IQSEC1: variants seen among roughly 807,000 people sequenced by gnomAD.
IQSEC1 encodes the protein IQ motif and Sec7 domain ArfGEF 1.
IQSEC1 carries 31 observed loss-of-function variants against 91.0 expected under a neutral mutation model. The observed-to-expected ratio is 0.34, with a 90% CI of 0.26 to 0.46. The LOEUF is 0.46. Among genes scored for constraint, IQSEC1 ranks in the 20% least tolerant of loss-of-function variants. The probability of loss-of-function intolerance (pLI) is 1.00; values close to 1 mark genes in which losing one functional copy is unlikely to be tolerated. For synonymous variants in IQSEC1, 699 were observed against 662.6 expected, an observed-to-expected ratio of 1.05 and a Z score of -0.84; for missense variants, 1,388 against 1,575.6, an observed-to-expected ratio of 0.88 and a Z score of 2.02.
intron 1 of IQSEC1, among the ~76,000 whole-genome samples, chr3:13,026,566 G>A (rs1003583907): frequency 2.0e-5 from 3 of 152,226 alleles, no homozygotes; most frequent in African/African-American, 7.2e-5. Context: ...CCTTCCTTCT[G>A]TACCAAGGGA....
chr3:13,087,387 A>C (rs565254849), intron 2 of IQSEC1, among the ~76,000 whole-genome samples: 2 of 152,346 alleles, frequency 1.3e-5, no homozygotes, highest in African/African-American at 4.8e-5. Flanking sequence ...CTCTCGGTGC[A>C]GAAAGAGCCC....
In IQSEC1 at chr3:12,940,210, AAGG is replaced by A. The variant is rs1347581845; in HGVS notation, c.318+1358_318+1360del. 1.3e-5 allele frequency among the ~76,000 whole-genome samples: 2 copies of A among 151,990 alleles called. No individual in the cohort carries two copies. Among genetic ancestry groups the A allele is most frequent in the Admixed American group, 1.3e-4 (2 of 15,266 alleles). ...CCTGTGTCGGTCCGGCCTAAGTTGC[AAGG>A]CAGCACCGACAGCCAGGTGAGGAAG... On this transcript the variant is annotated intron_variant, in intron 2 of 13. Transcript: ENST00000613206. This position sits in a 1 kb window ranked among gnomAD's most constrained non-coding sequence, Gnocchi z 4.4.
At chr3:13,036,310 G>A (rs2125023899) in intron 1 of IQSEC1, among the ~76,000 whole-genome samples, 1 of 152,158 alleles carries the variant, frequency 6.6e-6, no homozygotes, top group East Asian at 1.9e-4. Flanking sequence ...TAACCTCTCT[G>A]CCTTCAGTTT....
chr3:13,021,948 C>T (rs746311060), intron 1 of IQSEC1: 1 of 942,816 alleles, frequency 1.1e-6, no homozygotes, highest in East Asian at 3.3e-5. Flanking sequence ...CATCCCAGCT[C>T]CTTCCTGGAC....
At chr3:13,163,658 C>G (rs1457817611) in intron 2 of IQSEC1, among the ~76,000 whole-genome samples, 1 of 152,134 alleles carries the variant, frequency 6.6e-6, no homozygotes, top group Admixed American at 6.5e-5. Context: ...TTACGCCTGC[C>G]GTGGAGACAC....
intron 1 of IQSEC1, among the ~76,000 whole-genome samples, chr3:13,018,352 G>A (rs58175052): frequency 6.7e-4 from 102 of 152,278 alleles, no homozygotes; most frequent in African/African-American, 2.3e-3. Context: ...AAGGCAGAGG[G>A]GGGCAGGGCC....
In IQSEC1 at chr3:12,983,284, T is replaced by G. The variant is rs931483010; in HGVS notation, c.24-41419A>C. Among the ~76,000 whole-genome samples, 1 of 152,102 alleles carries G rather than the reference T, an allele frequency of 6.6e-6. No homozygotes were observed. The highest frequency in any genetic ancestry group is 2.4e-5 in the African/African-American group (1 of 41,418). ...GCATGGTGGCAAATTTAGATCAGATTAAAACGACAGCTCAGGGCACAGCTG... is the reference window on the plus strand; with the variant it reads ...GCATGGTGGCAAATTTAGATCAGATGAAAACGACAGCTCAGGGCACAGCTG... On this transcript the variant is annotated intron_variant, in intron 1 of 13. Transcript: ENST00000613206. This position sits in a 1 kb window ranked among gnomAD's most constrained non-coding sequence, Gnocchi z 4.3.
At chr3:13,235,890 C>T (rs1374096848) in intron 1 of IQSEC1, among the ~76,000 whole-genome samples, 2 of 152,182 alleles carry the variant, frequency 1.3e-5, no homozygotes, top group Admixed American at 6.5e-5. Flanking sequence ...CTGTAGCCAC[C>T]AGCCCCGCTG....
chr3:13,189,646 G>A (rs976986926), intron 1 of IQSEC1, among the ~76,000 whole-genome samples: 8 of 152,176 alleles, frequency 5.3e-5, no homozygotes, highest in African/African-American at 1.9e-4. Context: ...ACTGGCATGT[G>A]CAGCTGGCCC....
intron 2 of IQSEC1, among the ~76,000 whole-genome samples, chr3:13,149,437 G>A (rs1398659976): frequency 6.6e-6 from 1 of 151,934 alleles, no homozygotes; most frequent in African/African-American, 2.4e-5. Context: ...GTGGGGGGGC[G>A]GACAGAGGAC....
intron 6 of IQSEC1, among the ~76,000 whole-genome samples, chr3:12,919,235 A>T (rs530102947): frequency 3.5e-4 from 53 of 152,326 alleles, no homozygotes; most frequent in Non-Finnish European, 6.2e-4. Context: ...GACTTGATGG[A>T]CTTGGGGCCT....
At chr3:13,074,654 C>T (rs1486588114), upstream of IQSEC1, among the ~76,000 whole-genome samples, 1 of 152,222 alleles carries the variant, frequency 6.6e-6, no homozygotes, top group East Asian at 1.9e-4. Context: ...AGTCTGGCTC[C>T]AGAGTCTTGG....
intron 1 of IQSEC1, among the ~76,000 whole-genome samples, chr3:12,959,375 T>A (rs1700107060): frequency 6.6e-6 from 1 of 152,040 alleles, no homozygotes; most frequent in Admixed American, 6.5e-5. Flanking sequence ...GGACCCCCAA[T>A]CCGATGAGAG....
rs114310174 is a variant in IQSEC1 at position 13,218,494 on chromosome 3, G to A, written c.273-54361C>T. On this transcript the variant is annotated intron_variant, in intron 1 of 15. Coordinates refer to the IQSEC1 transcript ENST00000648114. ...TCTCCAAGGCAACAGAGTCTTTGGC[G>A]GGAGGTGTGGGAAGCCTGTGGCCGA... Among the ~76,000 whole-genome samples the A allele has an allele frequency of 3.9e-3, 601 of 152,352 alleles. 5 individuals are homozygous for A. The highest frequency in any genetic ancestry group is 0.013 in the African/African-American group (555 of 41,580).
chr3:13,022,058 A>G, intron 1 of IQSEC1: 1 of 1,231,866 alleles, frequency 8.1e-7, no homozygotes, highest in East Asian at 3.2e-5. Context: ...GAGATGCAGT[A>G]CTTCCACATA....
At chr3:13,065,549 T>G (rs1383128171) in intron 1 of IQSEC1, among the ~76,000 whole-genome samples, 5 of 152,146 alleles carry the variant, frequency 3.3e-5, no homozygotes, top group Admixed American at 3.3e-4. Flanking sequence ...CTTCACACCA[T>G]TAGGATGGCT....
chr3:12,976,195 C>T (rs889162802), intron 1 of IQSEC1, among the ~76,000 whole-genome samples: 2 of 152,226 alleles, frequency 1.3e-5, no homozygotes, highest in Non-Finnish European at 2.9e-5. Context: ...CTTTGCTGTA[C>T]TCTCCTCCTG....
intron 2 of IQSEC1, among the ~76,000 whole-genome samples, chr3:13,108,168 C>A (rs1359355626): frequency 6.6e-6 from 1 of 152,246 alleles, no homozygotes; most frequent in East Asian, 1.9e-4. Flanking sequence ...TTGCCTTCCA[C>A]TTTGTTCACT....
intron 1 of IQSEC1, among the ~76,000 whole-genome samples, chr3:13,061,799 G>T (rs531528281): frequency 2.0e-5 from 3 of 152,086 alleles, no homozygotes; most frequent in African/African-American, 7.2e-5. Flanking sequence ...GTTTACCCCC[G>T]TCCCAACAAA....
Sources: gnomAD v4.1 joint callset for allele counts (sites outside exome capture counted in the v4.1 genomes callset) on GRCh38, gnomAD v4.1.1 for gene constraint, Gnocchi (gnomAD v3.1) non-coding constraint, MANE v1.5 for transcripts, NCBI Gene and HGNC (gene_info 2026-07-23, HGNC 2026-07-21) for gene names.